MMS19: variants seen among roughly 807,000 people sequenced by gnomAD.
The protein encoded by MMS19 is MMS19 cytosolic iron-sulfur assembly component, also known as MMS19 nucleotide excision repair protein homolog.
A neutral mutation model predicts 129.8 loss-of-function variants in MMS19; 77 were observed. The ratio of observed to expected loss-of-function variants is 0.59; its 90% CI spans 0.49 to 0.72. The LOEUF (loss-of-function observed/expected upper bound fraction) is 0.72. Ranked by LOEUF, MMS19 falls within the 30% of genes least tolerant of loss-of-function variation. The probability of loss-of-function intolerance (pLI) is 0.00; values close to 1 mark genes in which losing one functional copy is unlikely to be tolerated. For synonymous variants in MMS19, 491 were observed against 502.8 expected, an observed-to-expected ratio of 0.98 and a Z score of 0.31; for missense variants, 1,168 against 1,266.3, an observed-to-expected ratio of 0.92 and a Z score of 1.18.
rs2034536561 is a variant in MMS19 at position 97,470,805 on chromosome 10, A to G, written c.741T>C (p.Ala247=). 1 of 1,613,806 alleles carries G rather than the reference A, an allele frequency of 6.2e-7. No individual in the cohort carries two copies. Among genetic ancestry groups the G allele is most frequent in the Non-Finnish European group, 8.5e-7 (1 of 1,179,762 alleles). Reference sequence around the variant, plus strand: ...CAAATCGTGGTGTAGAAGCCAGCACAGCGCGAAGACTCAGGATGAGGTCTT... The same window carrying G: ...CAAATCGTGGTGTAGAAGCCAGCACGGCGCGAAGACTCAGGATGAGGTCTT... ...QREDLILSLR[A]VLASTPRFAE... The change falls in exon 9 of 31, where the codon GCT becomes GCC. Residue 247 remains alanine (A), a synonymous_variant. Transcript: ENST00000438925.
At chr10:97,466,026 AG>A (rs1316012525) in intron 17 of MMS19, 32 bp downstream of exon 17, 2 of 1,612,510 alleles carry the variant, frequency 1.2e-6, no homozygotes, top group Admixed American at 3.3e-5. Context: ...CTTGCTGGAA[AG>A]GGATGGGCCA....
chr10:97,485,391 C>A (rs1270737652), intron 1 of MMS19, among the ~76,000 whole-genome samples: 1 of 152,118 alleles, frequency 6.6e-6, no homozygotes, highest in Non-Finnish European at 1.5e-5. Flanking sequence ...TGGCTCACTG[C>A]AACCTCCGCC....
Sources: allele counts gnomAD v4.1 joint callset (sites outside exome capture counted in the v4.1 genomes callset), GRCh38; gene constraint gnomAD v4.1.1; transcripts MANE v1.5; gene names NCBI Gene and HGNC (gene_info 2026-07-23, HGNC 2026-07-21).